The following SH3RF3 variants were observed in gnomAD, a reference collection of about 807,000 sequenced individuals.
SH3RF3 encodes the protein E3 ubiquitin-protein ligase SH3RF3.
Under a neutral mutation model 66.3 loss-of-function variants are expected in SH3RF3, and 29 were observed. That is an observed-to-expected ratio of 0.44 (90% CI 0.33 to 0.60). SH3RF3 has a LOEUF of 0.60. Ranked by LOEUF, SH3RF3 falls within the 20% of genes least tolerant of loss-of-function variation. The pLI is 0.04. For missense variants in SH3RF3, 1,194 were observed against 1,190.9 expected (o/e 1.00, Z -0.04); for synonymous variants, 583 against 532.0 (o/e 1.10, Z -1.32).
chr2:109,313,572 A>C (rs1485613046), intron 1 of SH3RF3: 4 of 155,024 alleles, frequency 2.6e-5, no homozygotes, highest in Non-Finnish European at 5.9e-5. Flanking sequence ...CCAGATAGGG[A>C]CTGTCCTTGG....
chr2:109,372,847 C>T (rs1014104266), intron 3 of SH3RF3, among the ~76,000 whole-genome samples: 1 of 152,214 alleles, frequency 6.6e-6, no homozygotes, highest in African/African-American at 2.4e-5. Flanking sequence ...ACGGGTGACA[C>T]GGCCAGCTTT....
chr2:109,476,567 A>C (rs1678688347), intron 8 of SH3RF3, among the ~76,000 whole-genome samples: 1 of 152,180 alleles, frequency 6.6e-6, no homozygotes, highest in Non-Finnish European at 1.5e-5. Flanking sequence ...TTTCCTCTAA[A>C]GCTCTCGGGC....
intron 1 of SH3RF3, among the ~76,000 whole-genome samples, chr2:109,210,249 A>G (rs997613612): frequency 6.6e-6 from 1 of 152,238 alleles, no homozygotes; most frequent in African/African-American, 2.4e-5. Flanking sequence ...TGTTGGGAAT[A>G]ATGTCACTAT....
chr2:109,176,113 C>T (rs557972889), intron 1 of SH3RF3, among the ~76,000 whole-genome samples: 1 of 152,156 alleles, frequency 6.6e-6, no homozygotes, highest in African/African-American at 2.4e-5. Flanking sequence ...ACCTGCATTT[C>T]CTGGGTGTCT....
chr2:109,328,753 A>G (rs1047479330), intron 1 of SH3RF3, among the ~76,000 whole-genome samples: 36 of 152,060 alleles, frequency 2.4e-4, no homozygotes, highest in African/African-American at 8.2e-4. Flanking sequence ...TCTCCCCCAC[A>G]TTTGTGTGTG....
chr2:109,396,367 G>A (rs749298942), intron 3 of SH3RF3, among the ~76,000 whole-genome samples: 1 of 152,180 alleles, frequency 6.6e-6, no homozygotes, highest in Non-Finnish European at 1.5e-5. Flanking sequence ...CCGGAGTGAG[G>A]TTTTTCATAA....
At chr2:109,496,011 T>C (rs542341297) in intron 9 of SH3RF3, among the ~76,000 whole-genome samples, 2 of 152,276 alleles carry the variant, frequency 1.3e-5, no homozygotes, top group East Asian at 3.9e-4. Flanking sequence ...ACCTTCGCGG[T>C]GAAGAGCAAA....
chr2:109,497,106 C>T (rs549648258), intron 9 of SH3RF3, among the ~76,000 whole-genome samples: 26 of 152,292 alleles, frequency 1.7e-4, no homozygotes, highest in South Asian at 6.2e-4. Context: ...TTCTGATGGA[C>T]GGAACTATAA....
chr2:109,261,796 T>A (rs1388441554), intron 1 of SH3RF3, among the ~76,000 whole-genome samples: 3 of 152,196 alleles, frequency 2.0e-5, no homozygotes, highest in Non-Finnish European at 4.4e-5. Flanking sequence ...GGGAGGTGGG[T>A]CACCCTACTG....
chr2:109,309,299 G>A (rs1265257551), intron 1 of SH3RF3, among the ~76,000 whole-genome samples: 1 of 150,026 alleles, frequency 6.7e-6, no homozygotes, highest in Non-Finnish European at 1.5e-5. Flanking sequence ...TGCTGAAGTT[G>A]CTTATCAGCT....
At chr2:109,144,918 G>A (rs976476150) in intron 1 of SH3RF3, among the ~76,000 whole-genome samples, 1 of 152,234 alleles carries the variant, frequency 6.6e-6, no homozygotes, top group Non-Finnish European at 1.5e-5. Context: ...GGGCGGTGTG[G>A]ACACTGCGCA....
intron 1 of SH3RF3, among the ~76,000 whole-genome samples, chr2:109,209,463 G>A (rs894157549): frequency 6.6e-6 from 1 of 152,166 alleles, no homozygotes; most frequent in African/African-American, 2.4e-5. Context: ...GCCATGGGTT[G>A]GGAGAGCTGC....
rs1573234432 is a variant in SH3RF3, at chr2:109,416,820, C to T, written c.1300-2719C>T. Among the ~76,000 whole-genome samples the T allele has an allele frequency of 4.6e-5, 7 of 151,348 alleles. 2 individuals are homozygous for T. The highest frequency in any genetic ancestry group is 2.1e-4 in the South Asian group (1 of 4,770). On this transcript the variant is annotated intron_variant, in intron 4 of 9. Transcript: ENST00000309415. The stretch of plus-strand genomic sequence containing the variant: ...ACTCAGGAGGCTAAGTCGGGAGAAT[C>T]GCCTGAGCCCAGAAGCAGAGGTTGC...
intron 7 of SH3RF3, among the ~76,000 whole-genome samples, chr2:109,448,065 C>T (rs1677759151): frequency 6.6e-6 from 1 of 152,164 alleles, no homozygotes; most frequent in Non-Finnish European, 1.5e-5. Context: ...CTCACATGCT[C>T]AGCCCTCACT....
intron 3 of SH3RF3, among the ~76,000 whole-genome samples, chr2:109,391,712 A>T (rs1676002443): frequency 6.6e-6 from 1 of 152,176 alleles, no homozygotes; most frequent in African/African-American, 2.4e-5. Context: ...TGAGGCCACT[A>T]CTTCTGTGAA....
chr2:109,354,991 G>A (rs1047808538), intron 2 of SH3RF3, among the ~76,000 whole-genome samples: 1 of 152,220 alleles, frequency 6.6e-6, no homozygotes, highest in East Asian at 1.9e-4. Flanking sequence ...CACTTAGGAA[G>A]AAAGGTGATA....
At chr2:109,379,786 G>T (rs1026465415) in intron 3 of SH3RF3, among the ~76,000 whole-genome samples, 1 of 152,020 alleles carries the variant, frequency 6.6e-6, no homozygotes, top group Admixed American at 6.5e-5. Context: ...GGTGAAGCCC[G>T]GTCATTGCCA....
At chr2:109,486,716 A>C (rs1048646357) in intron 8 of SH3RF3, among the ~76,000 whole-genome samples, 6 of 151,776 alleles carry the variant, frequency 4.0e-5, no homozygotes, top group Non-Finnish European at 8.8e-5. Flanking sequence ...TTGGCGCAGG[A>C]TGTGTTAGAG....
chr2:109,365,396 C>T (rs1213156899), intron 2 of SH3RF3, among the ~76,000 whole-genome samples: 1 of 152,204 alleles, frequency 6.6e-6, no homozygotes, highest in African/African-American at 2.4e-5. Context: ...GAGGCTGCTG[C>T]TTGGGGATTT....
Sources: allele counts gnomAD v4.1 joint callset (sites outside exome capture counted in the v4.1 genomes callset), GRCh38; gene constraint gnomAD v4.1.1; transcripts MANE v1.5; gene names NCBI Gene and HGNC (gene_info 2026-07-23, HGNC 2026-07-21).